The following COMMD10 variants were observed in gnomAD, a reference collection of about 807,000 sequenced individuals.
The protein encoded by COMMD10 is COMM domain containing 10, also known as COMM domain-containing protein 10.
Under a neutral mutation model 28.9 loss-of-function variants are expected in COMMD10, and 33 were observed. The ratio of observed to expected loss-of-function variants is 1.14; its 90% confidence interval spans 0.87 to 1.53. The LOEUF (loss-of-function observed/expected upper bound fraction) is 1.53, where lower values mean the gene tolerates loss of function less well. Among genes scored for constraint, COMMD10 ranks in the 40% most tolerant of loss-of-function variants. The pLI is 0.00. For synonymous variants in COMMD10, 110 were observed against 81.7 expected (o/e 1.35, Z -1.87); for missense variants, 310 against 233.4 (o/e 1.33, Z -2.14).
chr5:116,247,539 A>G (rs1250665399), intron 5 of COMMD10, among the ~76,000 whole-genome samples: 2 of 152,114 alleles, frequency 1.3e-5, no homozygotes, highest in Admixed American at 6.6e-5. Context: ...TTGCAGCACT[A>G]TTCACAACAG....
At chr5:116,092,777 T>A in intron 4 of COMMD10, 77 bp downstream of exon 4, 1 of 1,115,460 alleles carries the variant, frequency 9.0e-7, no homozygotes, top group Non-Finnish European at 1.2e-6. Context: ...GTTTTTAAAG[T>A]GATAATATTT....
chr5:116,173,924 C>T (rs1336140851), intron 5 of COMMD10, among the ~76,000 whole-genome samples: 3 of 149,388 alleles, frequency 2.0e-5, no homozygotes, highest in Non-Finnish European at 3.0e-5. Flanking sequence ...ATTCAACAAA[C>T]ATCTATTGAA....
intron 5 of COMMD10, among the ~76,000 whole-genome samples, chr5:116,260,676 A>C (rs747968267): frequency 1.4e-4 from 21 of 151,866 alleles, no homozygotes; most frequent in Non-Finnish European, 2.9e-4. Flanking sequence ...TGTACAAGAA[A>C]ATTAATGGTC....
chr5:116,251,291 TTTA>T (rs1750110039), intron 5 of COMMD10, among the ~76,000 whole-genome samples: 1 of 134,648 alleles, frequency 7.4e-6, no homozygotes, highest in Non-Finnish European at 1.7e-5. Context: ...TATTTATTTA[TTTA>T]TTTATTTATT....
intron 5 of COMMD10, among the ~76,000 whole-genome samples, chr5:116,246,641 A>T (rs1749957951): frequency 6.6e-6 from 1 of 152,160 alleles, no homozygotes; most frequent in South Asian, 2.1e-4. Flanking sequence ...AAAAAAAGAC[A>T]CATAGCCTAA....
intron 4 of COMMD10, among the ~76,000 whole-genome samples, chr5:116,111,029 T>C (rs1342526880): frequency 6.6e-6 from 1 of 152,164 alleles, no homozygotes; most frequent in Non-Finnish European, 1.5e-5. Context: ...TTCCAGAAAT[T>C]TACCTATTTT....
intron 6 of COMMD10, 116 bp downstream of exon 6, chr5:116,291,692 CCCTTATAAAAGA>C (rs1403684558): frequency 1.7e-6 from 1 of 575,338 alleles, no homozygotes; most frequent in Non-Finnish European, 3.0e-6. Context: ...CTTTAAACTT[CCCTTATAAAAGA>C]CCTTATGTTT....
chr5:116,145,778 A>G (rs1752330053), intron 5 of COMMD10, among the ~76,000 whole-genome samples: 1 of 151,776 alleles, frequency 6.6e-6, no homozygotes, highest in African/African-American at 2.4e-5. Flanking sequence ...TGATTGTTTT[A>G]TAAGGGGCTC....
At chr5:116,235,409 C>T (rs945409062) in intron 5 of COMMD10, among the ~76,000 whole-genome samples, 4 of 152,148 alleles carry the variant, frequency 2.6e-5, no homozygotes, top group Non-Finnish European at 5.9e-5. Context: ...GTCATTTAAG[C>T]ATTTCAGGTA....
rs1006808271 is a variant in COMMD10 at position 116,133,977 on chromosome 5, T to C, written c.400-91T>C. ...CTTTCTGTGAAGCCTAGGCTATCCA[T>C]ATACATTCCTGCTGAGTGGAGATTT... On this transcript the variant is annotated intron_variant, in intron 4 of 6. Coordinates refer to ENST00000274458, the MANE Select transcript of COMMD10 (RefSeq NM_016144.4). The C allele has an allele frequency of 3.9e-6, 3 of 766,126 alleles. No individual in the cohort carries two copies. The African/African-American group carries it at 5.1e-5, about 13-fold the overall frequency. 47.5% of individuals were successfully genotyped at this position (766,126 alleles called of 1,614,324 possible).
At chr5:116,273,427 C>G (rs747026395) in intron 5 of COMMD10, among the ~76,000 whole-genome samples, 1 of 151,692 alleles carries the variant, frequency 6.6e-6, no homozygotes, top group Admixed American at 6.6e-5. Flanking sequence ...TAGAAGATGT[C>G]TTCGAAAGCT....
At chr5:116,165,610 G>A (rs974311994) in intron 5 of COMMD10, among the ~76,000 whole-genome samples, 3 of 151,760 alleles carry the variant, frequency 2.0e-5, no homozygotes, top group Non-Finnish European at 3.0e-5. Flanking sequence ...GTGTGTGGGT[G>A]TATCTGTGTG....
intron 5 of COMMD10, among the ~76,000 whole-genome samples, chr5:116,246,703 A>G (rs1421563396): frequency 3.3e-5 from 5 of 152,170 alleles, no homozygotes; most frequent in African/African-American, 1.2e-4. Flanking sequence ...CAACTATCTG[A>G]TGTTCAACAA....
At chr5:116,091,231 C>T in intron 3 of COMMD10, 42 bp downstream of exon 3, 1 of 1,082,352 alleles carries the variant, frequency 9.2e-7, no homozygotes, top group East Asian at 2.5e-5. Flanking sequence ...GATTTGTTTA[C>T]TACATATTTG....
chr5:116,216,745 A>C, intron 5 of COMMD10, among the ~76,000 whole-genome samples: 1 of 152,096 alleles, frequency 6.6e-6, no homozygotes, highest in Admixed American at 6.5e-5. Flanking sequence ...CATGTTGGCC[A>C]GGATGGTCTC....
intron 5 of COMMD10, among the ~76,000 whole-genome samples, chr5:116,168,158 C>CAAAA (rs56193014): frequency 2.9e-5 from 3 of 102,420 alleles, no homozygotes; most frequent in East Asian, 5.9e-4. Context: ...AAATGGAAAG[C>CAAAA]AAAAAAAAAA....
chr5:116,231,066 C>A (rs148835161), intron 5 of COMMD10, among the ~76,000 whole-genome samples: 8 of 152,094 alleles, frequency 5.3e-5, no homozygotes. Flanking sequence ...AGAATAAATG[C>A]AGTTTACTGC....
intron 5 of COMMD10, among the ~76,000 whole-genome samples, chr5:116,175,834 G>A (rs963896583): frequency 6.6e-6 from 1 of 152,074 alleles, no homozygotes; most frequent in African/African-American, 2.4e-5. Flanking sequence ...AATTCATAGA[G>A]ACAGAAAGTA....
intron 5 of COMMD10, among the ~76,000 whole-genome samples, chr5:116,288,033 T>C (rs1231408694): frequency 1.3e-5 from 2 of 151,838 alleles, no homozygotes; most frequent in African/African-American, 2.4e-5. Flanking sequence ...GAGAACCTTA[T>C]ATTTTTATAC....
Sources: gnomAD v4.1 joint callset for allele counts (sites outside exome capture counted in the v4.1 genomes callset) on GRCh38, gnomAD v4.1.1 for gene constraint, MANE v1.5 for transcripts, NCBI Gene and HGNC (gene_info 2026-07-23, HGNC 2026-07-21) for gene names.